The following NSRP1 variants were observed in gnomAD, a reference collection of about 807,000 sequenced individuals.
NSRP1 encodes the protein coiled-coil domain containing 55.
Under a neutral mutation model 54.7 loss-of-function variants are expected in NSRP1, and 24 were observed. That is an observed-to-expected ratio of 0.44 (90% CI 0.32 to 0.62). NSRP1 has a LOEUF of 0.62. NSRP1 is among the 20% of genes least tolerant of loss of function. The pLI is 0.06. For missense variants in NSRP1, 596 were observed against 651.2 expected (o/e 0.92, Z 0.92); for synonymous variants, 210 against 213.8 (o/e 0.98, Z 0.15).
chr17:30,118,906 G>A (rs1353690069), intron 2 of NSRP1, among the ~76,000 whole-genome samples: 1 of 151,722 alleles, frequency 6.6e-6, no homozygotes, highest in Admixed American at 6.6e-5. Context: ...CTGCCATCAT[G>A]ACCAGCTAAT....
chr17:30,131,101 A>G (rs2071695575), intron 2 of NSRP1, among the ~76,000 whole-genome samples: 1 of 152,184 alleles, frequency 6.6e-6, no homozygotes. Flanking sequence ...GGAAAATTAA[A>G]CAGGTATTTA....
rs1386276002 is a variant in NSRP1 at position 30,160,012 on chromosome 17, G to T, written c.115-12530G>T. On this transcript the variant is annotated intron_variant, in intron 2 of 6. Coordinates refer to ENST00000247026, the MANE Select transcript of NSRP1 (RefSeq NM_032141.4). The stretch of plus-strand genomic sequence containing the variant: ...TTGTTGAACATTTTTATCATGAAGG[G>T]ATGTTGAGTTTTATTGAATGCTTTT... Among the ~76,000 whole-genome samples, 2 of 152,044 alleles carry T rather than the reference G, an allele frequency of 1.3e-5. 1 individual carries two copies. Among genetic ancestry groups the T allele is most frequent in the South Asian group, 4.1e-4 (2 of 4,822 alleles).
At chr17:30,164,157 ATAAATT>A (rs1391533260) in intron 2 of NSRP1, among the ~76,000 whole-genome samples, 1 of 152,188 alleles carries the variant, frequency 6.6e-6, no homozygotes, top group Non-Finnish European at 1.5e-5. Context: ...CTCTTAAGAC[ATAAATT>A]TAAATGTTGA....
intron 6 of NSRP1, 80 bp from the exon 7 acceptor site, chr17:30,184,535 A>AG (rs1414806806): frequency 2.1e-5 from 31 of 1,469,908 alleles, no homozygotes; most frequent in Non-Finnish European, 2.7e-5. Context: ...ATTGATAAAA[A>AG]TTATATGAAC....
At chr17:30,162,548 C>T (rs187386140) in intron 2 of NSRP1, among the ~76,000 whole-genome samples, 3 of 152,154 alleles carry the variant, frequency 2.0e-5, no homozygotes, top group Non-Finnish European at 4.4e-5. Flanking sequence ...GTTCTCAGCA[C>T]GACAGAAAAT....
rs1474017754 is a variant in NSRP1, at chr17:30,139,247, G to GT, written c.114+21079dup. The stretch of plus-strand genomic sequence containing the variant: ...TGCCCATTTTTTAATCCGGGTTTTT[G>GT]TTTTTGTTGAGTTGTAGGAGTTCTT... On this transcript the variant is annotated intron_variant, in intron 2 of 6. Transcript: ENST00000247026. 3.9e-5 allele frequency among the ~76,000 whole-genome samples: 6 copies of GT among 151,942 alleles called. No individual in the cohort carries two copies. The East Asian group carries it at 1.2e-3, about 29-fold the overall frequency.
chr17:30,121,452 TC>T (rs1445083952), intron 2 of NSRP1, among the ~76,000 whole-genome samples: 1 of 147,492 alleles, frequency 6.8e-6, no homozygotes, highest in Non-Finnish European at 1.5e-5. Flanking sequence ...TGATGCAAGA[TC>T]TTTTTTTTTT....
intron 3 of NSRP1, among the ~76,000 whole-genome samples, chr17:30,176,098 G>T (rs1231558814): frequency 2.6e-4 from 32 of 124,644 alleles, no homozygotes; most frequent in African/African-American, 1.0e-3. Flanking sequence ...TTTTTTTGTT[G>T]TTGTTGTTGT....
In NSRP1 at chr17:30,178,333, T is replaced by C. The variant is rs992094619; in HGVS notation, c.300+134T>C. The stretch of plus-strand genomic sequence containing the variant: ...TGTGAAGAGTCCCTAATTCCAGATA[T>C]TACAAATTTGATTGTAGAACTCAAG... On this transcript the variant is annotated intron_variant, in intron 4 of 6. Transcript: ENST00000247026. 1.6e-5 allele frequency: 14 copies of C among 895,206 alleles called. No individual in the cohort carries two copies. The African/African-American group carries it at 2.4e-4, about 16-fold the overall frequency. 55.5% of individuals were successfully genotyped at this position (895,206 alleles called of 1,614,324 possible).
intron 2 of NSRP1, among the ~76,000 whole-genome samples, chr17:30,123,142 C>T (rs1027067981): frequency 3.9e-5 from 6 of 152,088 alleles, no homozygotes; most frequent in Admixed American, 3.3e-4. Flanking sequence ...CTCTGTAGCC[C>T]AGGCTGGAGT....
At chr17:30,129,228 T>C (rs2071678702) in intron 2 of NSRP1, among the ~76,000 whole-genome samples, 1 of 152,224 alleles carries the variant, frequency 6.6e-6, no homozygotes, top group East Asian at 1.9e-4. Context: ...TGGGACATTT[T>C]AAAAGCATGA....
intron 2 of NSRP1, among the ~76,000 whole-genome samples, chr17:30,153,887 G>A (rs1356185514): frequency 6.6e-6 from 1 of 152,134 alleles, no homozygotes; most frequent in African/African-American, 2.4e-5. Flanking sequence ...GTGTTCTATA[G>A]CCACGTGTGA....
chr17:30,141,956 A>T (rs1465696021), intron 2 of NSRP1, among the ~76,000 whole-genome samples: 3 of 152,188 alleles, frequency 2.0e-5, no homozygotes, highest in Non-Finnish European at 4.4e-5. Context: ...GTGAGCTGAG[A>T]TCACGCCAGT....
intron 2 of NSRP1, among the ~76,000 whole-genome samples, chr17:30,162,718 A>C (rs554310516): frequency 2.6e-5 from 4 of 152,312 alleles, no homozygotes; most frequent in South Asian, 2.1e-4. Flanking sequence ...TTCTACAAAA[A>C]GAAAAAATTC....
At chr17:30,121,342 T>C (rs1361879553) in intron 2 of NSRP1, among the ~76,000 whole-genome samples, 1 of 151,844 alleles carries the variant, frequency 6.6e-6, no homozygotes, top group Non-Finnish European at 1.5e-5. Flanking sequence ...TCAACCTAGG[T>C]TGAGGTCATT....
chr17:30,118,633 G>C (rs1389280539), intron 2 of NSRP1, among the ~76,000 whole-genome samples: 1 of 151,926 alleles, frequency 6.6e-6, no homozygotes, highest in East Asian at 1.9e-4. Context: ...AGTTACTCTT[G>C]ATAGTACTAC....
intron 2 of NSRP1, among the ~76,000 whole-genome samples, chr17:30,149,563 G>T (rs2071886982): frequency 6.6e-6 from 1 of 152,164 alleles, no homozygotes; most frequent in Admixed American, 6.6e-5. Context: ...AAAGCCAGGT[G>T]CAGTGGCCTG....
At chr17:30,139,107 C>T (rs1314820853) in intron 2 of NSRP1, among the ~76,000 whole-genome samples, 2 of 150,008 alleles carry the variant, frequency 1.3e-5, no homozygotes, top group African/African-American at 5.0e-5. Flanking sequence ...TTAGTAGAGA[C>T]GGGGTTTCAC....
chr17:30,178,385 C>T (rs1905195524), intron 4 of NSRP1, among the ~76,000 whole-genome samples, 186 bp downstream of exon 4: 1 of 152,052 alleles, frequency 6.6e-6, no homozygotes, highest in South Asian at 2.1e-4. Flanking sequence ...CCTAATAGGC[C>T]AGGTGAATTA....
Sources: allele counts gnomAD v4.1 joint callset (sites outside exome capture counted in the v4.1 genomes callset), GRCh38; gene constraint gnomAD v4.1.1; transcripts MANE v1.5; gene names NCBI Gene and HGNC (gene_info 2026-07-23, HGNC 2026-07-21).